CFAP95: variants seen among roughly 807,000 people sequenced by gnomAD.
The protein encoded by CFAP95 is cilia and flagella associated protein 95.
chr9:69,820,849 C>A, the CFAP95 span: 2 of 1,603,146 alleles, frequency 1.2e-6, no homozygotes, highest in Non-Finnish European at 1.7e-6. Flanking sequence ...GCATAGGGAA[C>A]TCCTCAGAGG....
the CFAP95 span, among the ~76,000 whole-genome samples, chr9:69,900,916 G>A: frequency 7.2e-5 from 11 of 152,092 alleles, no homozygotes; most frequent in African/African-American, 2.7e-4. Context: ...TGCACAACGT[G>A]CAAGTTTGTT....
At chr9:69,824,540 T>C in the CFAP95 span, among the ~76,000 whole-genome samples, 2 of 152,106 alleles carry the variant, frequency 1.3e-5, no homozygotes, top group Non-Finnish European at 2.9e-5. Flanking sequence ...AAGTATCCTT[T>C]TCATGTTCTA....
the CFAP95 span, among the ~76,000 whole-genome samples, chr9:69,823,135 G>C: frequency 6.6e-6 from 1 of 152,170 alleles, no homozygotes; most frequent in Admixed American, 6.5e-5. Context: ...TTACAACCAT[G>C]GTGGAAGGCA....
chr9:69,844,551 G>T, the CFAP95 span: 23 of 1,611,702 alleles, frequency 1.4e-5, no homozygotes, highest in Middle Eastern at 2.3e-3. Context: ...CAAAGGTTAT[G>T]ATATAGAGGG....
At chr9:69,874,891 C>G in the CFAP95 span, among the ~76,000 whole-genome samples, 1 of 152,246 alleles carries the variant, frequency 6.6e-6, no homozygotes, top group Admixed American at 6.5e-5. Context: ...GTCAGTAAGT[C>G]CGGGTTGGTG....
At chr9:69,845,276 C>G in the CFAP95 span, among the ~76,000 whole-genome samples, 1 of 152,164 alleles carries the variant, frequency 6.6e-6, no homozygotes, top group Non-Finnish European at 1.5e-5. Flanking sequence ...CAGCATAAGG[C>G]AAGAGCTCAA....
the CFAP95 span, among the ~76,000 whole-genome samples, chr9:69,831,716 G>A: frequency 2.6e-5 from 4 of 152,114 alleles, no homozygotes; most frequent in Admixed American, 6.6e-5. Context: ...GGTTCACCTG[G>A]TTCCTAGGAT....
At chr9:69,891,001 A>G in the CFAP95 span, among the ~76,000 whole-genome samples, 76 of 152,148 alleles carry the variant, frequency 5.0e-4, no homozygotes, top group Non-Finnish European at 9.4e-4. Context: ...GCTCATCTCA[A>G]TTTCAATTAA....
the CFAP95 span, among the ~76,000 whole-genome samples, chr9:69,853,234 T>A: frequency 2.6e-5 from 4 of 152,108 alleles, no homozygotes; most frequent in African/African-American, 7.2e-5. Context: ...ACCTGAGAAG[T>A]CATAAGTGTT....
At chr9:69,888,697 G>A in the CFAP95 span, among the ~76,000 whole-genome samples, 3 of 152,206 alleles carry the variant, frequency 2.0e-5, no homozygotes, top group Admixed American at 6.5e-5. Context: ...CCAATGTGGC[G>A]AAACCTTGTC....
At chr9:69,846,369 T>G in the CFAP95 span, among the ~76,000 whole-genome samples, 1 of 152,186 alleles carries the variant, frequency 6.6e-6, no homozygotes, top group Non-Finnish European at 1.5e-5. Flanking sequence ...TATGTCTTTT[T>G]GTTGATGGCC....
chr9:69,878,156 A>G, the CFAP95 span, among the ~76,000 whole-genome samples: 1 of 152,126 alleles, frequency 6.6e-6, no homozygotes, highest in Non-Finnish European at 1.5e-5. Context: ...TTTACTGATA[A>G]TCGTGATACT....
the CFAP95 span, among the ~76,000 whole-genome samples, chr9:69,822,175 G>C: frequency 3.3e-5 from 5 of 152,068 alleles, no homozygotes; most frequent in Non-Finnish European, 7.4e-5. Flanking sequence ...TATTTGGGAG[G>C]GGCGTGAAGA....
chr9:69,827,548 C>T, the CFAP95 span, among the ~76,000 whole-genome samples: 1 of 152,222 alleles, frequency 6.6e-6, no homozygotes, highest in Non-Finnish European at 1.5e-5. Flanking sequence ...TCCCCCACTA[C>T]CATCTGTATG....
At chr9:69,895,367 C>CTGTG in the CFAP95 span, among the ~76,000 whole-genome samples, 19 of 111,278 alleles carry the variant, frequency 1.7e-4, no homozygotes, top group East Asian at 3.2e-4. Context: ...CTCTCTCTCT[C>CTGTG]TCTGTGTGTG....
the CFAP95 span, among the ~76,000 whole-genome samples, chr9:69,901,525 C>CT: frequency 0.13 from 19,703 of 151,322 alleles, 1,832 homozygotes; most frequent in African/African-American, 0.25. Context: ...TGAACTCATC[C>CT]TTTTTATGGC....
At chr9:69,840,695 A>T in the CFAP95 span, among the ~76,000 whole-genome samples, 1 of 152,168 alleles carries the variant, frequency 6.6e-6, no homozygotes, top group Non-Finnish European at 1.5e-5. Flanking sequence ...TATATATTTT[A>T]CTATATTTCA....
the CFAP95 span, among the ~76,000 whole-genome samples, chr9:69,824,517 T>C: frequency 6.6e-6 from 1 of 151,622 alleles, no homozygotes; most frequent in African/African-American, 2.4e-5. Flanking sequence ...GTTTCAGCTC[T>C]CATACTGTAA....
At chr9:69,899,261 A>G in the CFAP95 span, among the ~76,000 whole-genome samples, 114,570 of 152,108 alleles carry the variant, frequency 0.75, 44,831 homozygotes, top group Middle Eastern at 0.89. Flanking sequence ...ATTCCCACTA[A>G]ATACATGTTG....
Sources: allele counts gnomAD v4.1 joint callset (sites outside exome capture counted in the v4.1 genomes callset), GRCh38; gene constraint gnomAD v4.1.1; transcripts MANE v1.5; gene names NCBI Gene and HGNC (gene_info 2026-07-23, HGNC 2026-07-21).